PLXNA4: variants seen among roughly 807,000 people sequenced by gnomAD.
PLXNA4 encodes plexin-A4.
Under a neutral mutation model 191.8 loss-of-function variants are expected in PLXNA4, and 44 were observed. The observed-to-expected ratio is 0.23, with a 90% confidence interval of 0.18 to 0.29. PLXNA4 has a LOEUF of 0.29. Among genes scored for constraint, PLXNA4 ranks in the 10% least tolerant of loss-of-function variants. The pLI, the probability that PLXNA4 is intolerant of heterozygous loss-of-function variation, is 1.00. For missense variants in PLXNA4, 1,800 were observed against 2,488.8 expected, an observed-to-expected ratio of 0.72 and a Z score of 5.89; for synonymous variants, 1,082 against 1,009.5, an observed-to-expected ratio of 1.07 and a Z score of -1.36.
chr7:132,468,745 C>CACACACACACAAT (rs1219155260), intron 3 of PLXNA4, among the ~76,000 whole-genome samples: 1 of 151,964 alleles, frequency 6.6e-6, no homozygotes, highest in Non-Finnish European at 1.5e-5. Flanking sequence ...CACACACACA[C>CACACACACACAAT]ACACACACAC....
At chr7:132,187,794 T>C (rs996889614) in intron 14 of PLXNA4, among the ~76,000 whole-genome samples, 187 bp from the exon 15 acceptor site, 3 of 152,150 alleles carry the variant, frequency 2.0e-5, no homozygotes, top group African/African-American at 7.2e-5. Context: ...CCCTGAGAGT[T>C]TGCATGCCTA....
chr7:132,253,162 G>A (rs1269255769), intron 4 of PLXNA4, among the ~76,000 whole-genome samples: 2 of 150,896 alleles, frequency 1.3e-5, no homozygotes, highest in African/African-American at 4.9e-5. Flanking sequence ...TTAACCTTTA[G>A]TCTTTTAAAC....
At chr7:132,351,750 G>A (rs1049593350) in intron 3 of PLXNA4, among the ~76,000 whole-genome samples, 15 of 152,132 alleles carry the variant, frequency 9.9e-5, no homozygotes, top group African/African-American at 3.1e-4. Flanking sequence ...CCACACTTAG[G>A]TAGCAGGTAC....
Position 132,260,526 on chromosome 7 carries a change from T to C in PLXNA4, c.1504-19360A>G, listed in dbSNP as rs557779789. On this transcript the variant is annotated intron_variant, in intron 4 of 31. Coordinates refer to ENST00000321063, the MANE Select transcript of PLXNA4 (RefSeq NM_020911.2). ...CCAGGGAGTACTAGAGTGGGGAGGA[T>C]GAAAGGGGGCTGAGGGTTGAAAAAC... 1.2e-4 allele frequency among the ~76,000 whole-genome samples: 18 copies of C among 151,616 alleles called. No homozygotes were observed. In the East Asian group the frequency reaches 3.3e-3, roughly 28 times the overall value.
At chr7:132,549,749 C>A (rs1223608810) in intron 1 of PLXNA4, among the ~76,000 whole-genome samples, 1 of 139,038 alleles carries the variant, frequency 7.2e-6, no homozygotes, top group Non-Finnish European at 1.5e-5. Flanking sequence ...ACTGCTACAT[C>A]TTTAATATTC....
At chr7:132,459,598 T>C (rs1056338441) in intron 3 of PLXNA4, among the ~76,000 whole-genome samples, 4 of 152,128 alleles carry the variant, frequency 2.6e-5, no homozygotes, top group Non-Finnish European at 2.9e-5. Flanking sequence ...TTTCAATTCA[T>C]ATTCCTGCTC....
intron 3 of PLXNA4, among the ~76,000 whole-genome samples, chr7:132,305,348 G>T (rs569679547): frequency 1.8e-4 from 26 of 141,350 alleles, no homozygotes; most frequent in African/African-American, 6.6e-4. Context: ...CACACTACAT[G>T]CAGCTTACCA....
At chr7:132,291,044 G>A (rs904505551) in intron 4 of PLXNA4, among the ~76,000 whole-genome samples, 1 of 152,122 alleles carries the variant, frequency 6.6e-6, no homozygotes, top group African/African-American at 2.4e-5. Context: ...CATTTCACAG[G>A]TGCACACGGA....
chr7:132,311,336 G>A (rs778247517), intron 3 of PLXNA4, among the ~76,000 whole-genome samples: 5 of 152,028 alleles, frequency 3.3e-5, no homozygotes, highest in African/African-American at 9.7e-5. Flanking sequence ...GGGCTCCAGC[G>A]GCACTTCCTG....
intron 3 of PLXNA4, among the ~76,000 whole-genome samples, chr7:132,416,904 A>C (rs1160363829): frequency 1.3e-5 from 2 of 152,094 alleles, no homozygotes; most frequent in Non-Finnish European, 2.9e-5. Flanking sequence ...TGTTCATCAC[A>C]AACTCACAGT....
chr7:132,222,590 A>G (rs1008073639), intron 9 of PLXNA4, among the ~76,000 whole-genome samples: 5 of 152,108 alleles, frequency 3.3e-5, no homozygotes, highest in African/African-American at 1.2e-4. Context: ...GGTCTGAAAG[A>G]TACACGCAAG....
intron 3 of PLXNA4, among the ~76,000 whole-genome samples, chr7:132,375,130 T>C (rs1234670944): frequency 6.6e-6 from 1 of 152,240 alleles, no homozygotes; most frequent in Non-Finnish European, 1.5e-5. Context: ...ACACTTTAGC[T>C]GGGATTTTGA....
chr7:132,573,618 A>G (rs1246588631), intron 1 of PLXNA4, among the ~76,000 whole-genome samples: 3 of 148,846 alleles, frequency 2.0e-5, no homozygotes, highest in African/African-American at 2.4e-5. Flanking sequence ...CCCTGTCTGC[A>G]GGGAGTAGCA....
chr7:132,221,051 G>A (rs1391912029), intron 9 of PLXNA4, among the ~76,000 whole-genome samples: 5 of 151,802 alleles, frequency 3.3e-5, no homozygotes, highest in African/African-American at 9.7e-5. Flanking sequence ...AGTTTACTAT[G>A]TTGTCCTGAC....
At chr7:132,501,159 G>T (rs1798233751) in intron 2 of PLXNA4, among the ~76,000 whole-genome samples, 1 of 152,108 alleles carries the variant, frequency 6.6e-6, no homozygotes, top group Non-Finnish European at 1.5e-5. Flanking sequence ...TGGGGGTGAG[G>T]GAGAACAAGT....
intron 24 of PLXNA4, among the ~76,000 whole-genome samples, chr7:132,161,746 G>A (rs893103003): frequency 2.0e-5 from 3 of 152,036 alleles, no homozygotes; most frequent in East Asian, 1.9e-4. Context: ...GCTCCCGGGC[G>A]GGCACCTAGC....
At chr7:132,195,554 G>A (rs1797229532) in intron 13 of PLXNA4, among the ~76,000 whole-genome samples, 1 of 152,206 alleles carries the variant, frequency 6.6e-6, no homozygotes, top group South Asian at 2.1e-4. Context: ...TCTGGACCAT[G>A]CACTTCTATT....
chr7:132,187,052 C>A (rs1796902068), intron 15 of PLXNA4, among the ~76,000 whole-genome samples: 1 of 152,172 alleles, frequency 6.6e-6, no homozygotes, highest in Admixed American at 6.5e-5. Flanking sequence ...ACCACCCAGA[C>A]CAGTAACGTG....
intron 2 of PLXNA4, among the ~76,000 whole-genome samples, chr7:132,628,158 C>T (rs1803418483): frequency 6.6e-6 from 1 of 152,158 alleles, no homozygotes; most frequent in Non-Finnish European, 1.5e-5. Context: ...GATCTGCCTT[C>T]CTAAAAATTT....
Sources: allele counts gnomAD v4.1 joint callset (sites outside exome capture counted in the v4.1 genomes callset), GRCh38; gene constraint gnomAD v4.1.1; transcripts MANE v1.5; gene names NCBI Gene and HGNC (gene_info 2026-07-23, HGNC 2026-07-21).